WDR7: variants seen among roughly 807,000 people sequenced by gnomAD.
WDR7 encodes WD repeat-containing protein 7.
WDR7 carries 46 observed loss-of-function variants against 169.4 expected under a neutral mutation model. The observed-to-expected ratio is 0.27, with a 90% CI of 0.21 to 0.35. The LOEUF is 0.35. Among genes scored for constraint, WDR7 ranks in the 10% least tolerant of loss-of-function variants. The pLI is 1.00. For synonymous variants in WDR7, 612 were observed against 666.8 expected (o/e 0.92, Z 1.27); for missense variants, 1,534 against 1,859.3 (o/e 0.83, Z 3.22).
chr18:56,942,868 CAA>C (rs1464083104), intron 25 of WDR7, among the ~76,000 whole-genome samples: 11 of 152,138 alleles, frequency 7.2e-5, no homozygotes, highest in East Asian at 1.9e-4. Context: ...AGATTTATAA[CAA>C]AGTTATTAAG....
chr18:56,816,258 C>G (rs2044968863), intron 20 of WDR7, 114 bp downstream of exon 20: 1 of 831,792 alleles, frequency 1.2e-6, no homozygotes, highest in Non-Finnish European at 1.8e-6. Context: ...GAAACTTGTA[C>G]TGATGGTGTA....
Position 56,782,417 on chromosome 18 carries a change from A to G in WDR7, c.3190+761A>G, listed in dbSNP as rs114906780. 9.6e-3 allele frequency among the ~76,000 whole-genome samples: 1,466 copies of G among 152,184 alleles called. 26 individuals carry two copies. Among genetic ancestry groups the G allele is most frequent in the African/African-American group, 0.034 (1,412 of 41,542 alleles). ...TTACTAAGTGACTAAATTATAATCA[A>G]TATAATTGAGTCAAATAAAATTTTA... is the stretch of plus-strand genomic sequence containing the variant. On this transcript the variant is annotated intron_variant, in intron 19 of 27. Transcript: ENST00000254442.
At chr18:56,899,447 A>C (rs1464777728) in intron 21 of WDR7, among the ~76,000 whole-genome samples, 1 of 152,108 alleles carries the variant, frequency 6.6e-6, no homozygotes, top group Non-Finnish European at 1.5e-5. Context: ...GGAGAAAAAA[A>C]GAAAAATCTT....
intron 22 of WDR7, among the ~76,000 whole-genome samples, chr18:56,932,227 C>T (rs73440780): frequency 0.022 from 3,402 of 152,270 alleles, 115 homozygotes; most frequent in African/African-American, 0.077. Flanking sequence ...TTCTGCAGTC[C>T]TGTGCTCAGA....
chr18:56,969,115 C>G (rs530759588), intron 26 of WDR7, among the ~76,000 whole-genome samples: 25 of 152,156 alleles, frequency 1.6e-4, no homozygotes, highest in Admixed American at 3.3e-4. Flanking sequence ...TATCTTTTGT[C>G]TCAAATTCAA....
intron 13 of WDR7, among the ~76,000 whole-genome samples, chr18:56,729,183 A>G (rs2026528246): frequency 6.6e-6 from 1 of 152,234 alleles, no homozygotes; most frequent in Non-Finnish European, 1.5e-5. Flanking sequence ...GAGAATTAAG[A>G]GCTAGAGCAG....
chr18:56,884,327 G>T (rs189764437), intron 21 of WDR7, among the ~76,000 whole-genome samples: 2 of 152,202 alleles, frequency 1.3e-5, no homozygotes, highest in East Asian at 3.9e-4. Context: ...GTCTATTCAT[G>T]TCCTTAGCCA....
At chr18:56,798,508 C>T (rs1213452387) in intron 19 of WDR7, among the ~76,000 whole-genome samples, 1 of 152,144 alleles carries the variant, frequency 6.6e-6, no homozygotes, top group Admixed American at 6.5e-5. Context: ...AAGAATTATC[C>T]AACCCAGAAT....
chr18:56,828,538 G>T (rs1004860011), intron 20 of WDR7, among the ~76,000 whole-genome samples: 2 of 152,108 alleles, frequency 1.3e-5, no homozygotes, highest in African/African-American at 4.8e-5. Flanking sequence ...GACGGATATG[G>T]TCCATGGAGA....
chr18:56,810,536 G>A (rs918994812), intron 19 of WDR7, among the ~76,000 whole-genome samples: 1 of 152,064 alleles, frequency 6.6e-6, no homozygotes, highest in South Asian at 2.1e-4. Context: ...TTACAAATAT[G>A]GTCAACATAA....
At position 56,928,816 on chromosome 18, in the gene WDR7, T is replaced by C. The variant is rs76590449; in HGVS notation, c.3713+4708T>C. Among the ~76,000 whole-genome samples, 843 of 152,272 alleles carry C rather than the reference T, an allele frequency of 5.5e-3. 9 individuals are homozygous for C. The highest frequency in any genetic ancestry group is 0.019 in the African/African-American group (807 of 41,548). ...TGCTGCCTCTTGTCCAGAGTAACAT[T>C]GTAGTTACTGAAAAAAATAAGATTC... On this transcript the variant is annotated intron_variant, in intron 22 of 27. Transcript: ENST00000254442.
At chr18:56,813,196 T>C (rs1399800748) in intron 19 of WDR7, among the ~76,000 whole-genome samples, 1 of 146,788 alleles carries the variant, frequency 6.8e-6, no homozygotes, top group African/African-American at 2.5e-5. Context: ...AAAAAAACAT[T>C]AAAAAAAAAA....
intron 21 of WDR7, among the ~76,000 whole-genome samples, chr18:56,891,838 A>G (rs1021022180): frequency 1.3e-5 from 2 of 152,122 alleles, no homozygotes; most frequent in Non-Finnish European, 2.9e-5. Context: ...ATGTTTAAAT[A>G]TAACACTAAA....
intron 13 of WDR7, among the ~76,000 whole-genome samples, chr18:56,719,774 A>T (rs2026279911): frequency 6.6e-6 from 1 of 152,164 alleles, no homozygotes; most frequent in Admixed American, 6.5e-5. Context: ...CCTAGCTAAC[A>T]CTGTGATCTA....
In WDR7 at chr18:56,779,411, A is replaced by G. The variant is rs377200148; in HGVS notation, c.2948-20A>G. On this transcript the variant is annotated intron_variant, in intron 17 of 27. Coordinates refer to ENST00000254442, the MANE Select transcript of WDR7 (RefSeq NM_015285.3). ...TGCCAAAATGGTTAAAGAATTTGTAATATATTACATTTTTGACAGGTTGGA... is the reference window on the plus strand; with the variant it reads ...TGCCAAAATGGTTAAAGAATTTGTAGTATATTACATTTTTGACAGGTTGGA... 17 of 1,573,096 alleles carry G rather than the reference A, an allele frequency of 1.1e-5. No individual in the cohort carries two copies. The African/African-American group carries it at 1.9e-4, about 18-fold the overall frequency.
At chr18:56,862,795 T>A (rs2045826762) in intron 20 of WDR7, among the ~76,000 whole-genome samples, 1 of 151,886 alleles carries the variant, frequency 6.6e-6, no homozygotes, top group African/African-American at 2.4e-5. Flanking sequence ...TATTGCTATA[T>A]CTCTTATTGA....
At chr18:56,671,144 AT>A (rs1337835738) in intron 1 of WDR7, among the ~76,000 whole-genome samples, 6 of 152,010 alleles carry the variant, frequency 3.9e-5, no homozygotes, top group African/African-American at 1.5e-4. Context: ...CAGAAGCTAC[AT>A]TTTTTTCTTT....
chr18:56,839,574 C>CT (rs1237059197), intron 20 of WDR7, among the ~76,000 whole-genome samples: 3 of 152,128 alleles, frequency 2.0e-5, no homozygotes, highest in Non-Finnish European at 2.9e-5. Context: ...ATTAGCCAAG[C>CT]TATACTAATC....
At chr18:56,770,892 T>C (rs1282671608) in intron 16 of WDR7, among the ~76,000 whole-genome samples, 1 of 152,188 alleles carries the variant, frequency 6.6e-6, no homozygotes, top group African/African-American at 2.4e-5. Flanking sequence ...AAAGGGTCTA[T>C]ATTATGAATG....
Sources: gnomAD v4.1 joint callset for allele counts (sites outside exome capture counted in the v4.1 genomes callset) on GRCh38, gnomAD v4.1.1 for gene constraint, MANE v1.5 for transcripts, NCBI Gene and HGNC (gene_info 2026-07-23, HGNC 2026-07-21) for gene names.